The following CCNY variants were observed in gnomAD, a reference collection of about 807,000 sequenced individuals.
CCNY encodes cyclin-Y.
In CCNY, 19 loss-of-function variants were observed where a neutral mutation model predicts 42.8. The observed-to-expected ratio is 0.44, with a 90% CI of 0.31 to 0.65. The LOEUF (loss-of-function observed/expected upper bound fraction) is 0.65. CCNY is among the 30% of genes least tolerant of loss of function. The pLI is 0.07. For missense variants in CCNY, 370 were observed against 437.3 expected (o/e 0.85, Z 1.37); for synonymous variants, 165 against 162.7 (o/e 1.01, Z -0.11).
chr10:35,265,574 C>A (rs1319915090), intron 3 of CCNY, among the ~76,000 whole-genome samples: 1 of 152,216 alleles, frequency 6.6e-6, no homozygotes, highest in Non-Finnish European at 1.5e-5. Flanking sequence ...GTGCAGCCAG[C>A]GTTGAGAGCT....
At chr10:35,466,999 T>C (rs887512871) in intron 1 of CCNY, among the ~76,000 whole-genome samples, 49 of 152,326 alleles carry the variant, frequency 3.2e-4, no homozygotes, top group African/African-American at 1.2e-3. Context: ...CAGACAGTGA[T>C]AATCTTTAAA....
intron 1 of CCNY, among the ~76,000 whole-genome samples, chr10:35,457,006 CTTTA>C (rs927612772): frequency 6.6e-6 from 1 of 152,186 alleles, no homozygotes; most frequent in Non-Finnish European, 1.5e-5. Flanking sequence ...TGAACCAGCT[CTTTA>C]TTCTCCTCTG....
intron 3 of CCNY, among the ~76,000 whole-genome samples, chr10:35,512,618 G>A (rs563466703): frequency 4.0e-4 from 61 of 152,294 alleles, no homozygotes; most frequent in African/African-American, 1.4e-3. Context: ...AGCGAATTCA[G>A]AAAGACATTT....
chr10:35,456,648 C>T (rs1460170651), intron 1 of CCNY, among the ~76,000 whole-genome samples: 1 of 152,140 alleles, frequency 6.6e-6, no homozygotes, highest in South Asian at 2.1e-4. Context: ...CATCACATTT[C>T]CTTGTGTCTG....
chr10:35,423,398 C>T (rs1460107422), intron 1 of CCNY, among the ~76,000 whole-genome samples: 2 of 151,480 alleles, frequency 1.3e-5, no homozygotes, highest in Non-Finnish European at 2.9e-5. Flanking sequence ...TTACCTGAGC[C>T]CAGGGAGGTT....
Position 35,350,418 on chromosome 10 carries a change from A to G in CCNY, c.154+13211A>G, listed in dbSNP as rs116505255. Among the ~76,000 whole-genome samples, 497 of 152,142 alleles carry G rather than the reference A, an allele frequency of 3.3e-3. 4 individuals carry two copies. The highest frequency in any genetic ancestry group is 0.011 in the African/African-American group (470 of 41,468). On this transcript the variant is annotated intron_variant, in intron 1 of 9. Transcript: ENST00000374704. ...CAGTGGACTTTTTTTTTGAGAGTCT[A>G]TTCTGATGAGGAATATGTAAATGGA... is the stretch of plus-strand genomic sequence containing the variant.
At chr10:35,457,974 C>T (rs1228201276) in intron 1 of CCNY, among the ~76,000 whole-genome samples, 1 of 152,212 alleles carries the variant, frequency 6.6e-6, no homozygotes, top group Non-Finnish European at 1.5e-5. Flanking sequence ...GTTGTTTTAA[C>T]TATTCCTCTT....
intron 3 of CCNY, among the ~76,000 whole-genome samples, chr10:35,285,766 C>T (rs1490857643): frequency 6.7e-6 from 1 of 150,136 alleles, no homozygotes; most frequent in African/African-American, 2.5e-5. Flanking sequence ...GTGTTTAAAC[C>T]ATTTGCATTT....
intron 3 of CCNY, 104 bp downstream of exon 3, chr10:35,501,639 A>G: frequency 1.0e-6 from 1 of 992,432 alleles, no homozygotes. Context: ...CTTTGTAGAT[A>G]CTTGGAAGAA....
chr10:35,518,987 T>C (rs1335868613), intron 4 of CCNY, among the ~76,000 whole-genome samples: 1 of 150,152 alleles, frequency 6.7e-6, no homozygotes, highest in Non-Finnish European at 1.5e-5. Flanking sequence ...CTTGATTGAA[T>C]CTGGCTGAGG....
At chr10:35,344,672 C>T (rs1401724983) in intron 1 of CCNY, among the ~76,000 whole-genome samples, 1 of 151,898 alleles carries the variant, frequency 6.6e-6, no homozygotes, top group Non-Finnish European at 1.5e-5. Context: ...TGTGCTGCAC[C>T]CATTAACTCG....
In CCNY at chr10:35,337,204, G is replaced by A. The variant is rs1389655427; in HGVS notation, c.151G>A (p.Asp51Asn). ...GCACATCAGCGACCGGGAGAACATA[G>A]ACGGTGAGTGCGGCCCGCCGAGCCC... is the stretch of plus-strand genomic sequence containing the variant. ...LQHISDRENIDDLNMEFNPSD... is the reference protein window; with the variant it reads ...LQHISDRENINDLNMEFNPSD... Residue 51 changes from aspartate to asparagine, a missense_variant, in exon 1 of 10, where the codon GAC (aspartate) becomes AAC (asparagine). Asp to Asn is a conservative substitution (Grantham distance 23, BLOSUM62 1). Around this residue, in one of 2 missense-constraint regions of CCNY, gnomAD observed 136 missense variants for 124.2 expected, o/e 1.09. Coordinates refer to ENST00000374704, the MANE Select transcript of CCNY (RefSeq NM_145012.6). The A allele has an allele frequency of 6.5e-7, 1 of 1,544,840 alleles. No homozygotes were observed. The highest frequency in any genetic ancestry group is 8.7e-7 in the Non-Finnish European group (1 of 1,145,424).
chr10:35,453,893 C>G (rs1838973722), intron 1 of CCNY, among the ~76,000 whole-genome samples: 1 of 152,132 alleles, frequency 6.6e-6, no homozygotes, highest in Non-Finnish European at 1.5e-5. Flanking sequence ...GGTAAACACA[C>G]ATGAAACAAT....
chr10:35,496,900 G>A (rs1251927852), intron 2 of CCNY, among the ~76,000 whole-genome samples: 4 of 152,160 alleles, frequency 2.6e-5, no homozygotes, highest in African/African-American at 9.7e-5. Context: ...TGCAAACACT[G>A]CCTTTTACTC....
chr10:35,426,096 A>C (rs1838259366), intron 1 of CCNY, among the ~76,000 whole-genome samples: 1 of 134,768 alleles, frequency 7.4e-6, no homozygotes, highest in East Asian at 2.3e-4. Context: ...TTCTCCCTTC[A>C]CTGGTCCAGC....
intron 1 of CCNY, among the ~76,000 whole-genome samples, chr10:35,383,598 G>A (rs1361580558): frequency 1.3e-5 from 2 of 152,182 alleles, no homozygotes; most frequent in African/African-American, 2.4e-5. Flanking sequence ...ATGAGCCCTC[G>A]TGCCTGGCCT....
chr10:35,556,309 T>TG (rs1410829168), intron 8 of CCNY, among the ~76,000 whole-genome samples: 2 of 152,174 alleles, frequency 1.3e-5, no homozygotes, highest in African/African-American at 2.4e-5. Flanking sequence ...GAGCAGATCA[T>TG]GGGGAGATGC....
chr10:35,432,398 G>T lies in CCNY; in HGVS notation c.155-51006G>T, dbSNP rs181584425. On this transcript the variant is annotated intron_variant, in intron 1 of 9. Transcript: ENST00000374704. ...AATAAATGGGGATTCTCTAGATTTTGTAAGTAAATGACCAATATTTCTGTC... is the reference window on the plus strand; with the variant it reads ...AATAAATGGGGATTCTCTAGATTTTTTAAGTAAATGACCAATATTTCTGTC... Among the ~76,000 whole-genome samples, 282 of 152,326 alleles carry T rather than the reference G, an allele frequency of 1.9e-3. 2 individuals are homozygous for T. The highest frequency in any genetic ancestry group is 6.5e-3 in the African/African-American group (269 of 41,562).
At chr10:35,461,229 T>C (rs1445760657) in intron 1 of CCNY, among the ~76,000 whole-genome samples, 4 of 152,172 alleles carry the variant, frequency 2.6e-5, no homozygotes, top group Non-Finnish European at 5.9e-5. Context: ...CAAACTTGAC[T>C]AAGGACCATC....
Sources: allele counts gnomAD v4.1 joint callset (sites outside exome capture counted in the v4.1 genomes callset), GRCh38; gene constraint gnomAD v4.1.1; regional missense constraint gnomAD v4.1.1; transcripts MANE v1.5; gene names NCBI Gene and HGNC (gene_info 2026-07-23, HGNC 2026-07-21).